CRYL1: variants seen among roughly 807,000 people sequenced by gnomAD.
CRYL1 encodes the protein lambda-crystallin homolog.
Under a neutral mutation model 36.6 loss-of-function variants are expected in CRYL1, and 29 were observed. The ratio of observed to expected loss-of-function variants is 0.79; its 90% CI spans 0.59 to 1.08. CRYL1 has a LOEUF of 1.08. Ranked by LOEUF, CRYL1 falls within the 50% of genes least tolerant of loss-of-function variation. The pLI is 0.00. For synonymous variants in CRYL1, 152 were observed against 151.5 expected, an observed-to-expected ratio of 1.00 and a Z score of -0.02; for missense variants, 411 against 407.9, an observed-to-expected ratio of 1.01 and a Z score of -0.06.
At chr13:20,503,408 T>A (rs2033738890) in intron 2 of CRYL1, among the ~76,000 whole-genome samples, 2 of 152,184 alleles carry the variant, frequency 1.3e-5, no homozygotes, top group Non-Finnish European at 2.9e-5. Flanking sequence ...ATGGCTTCCC[T>A]CATCTGTTTA....
intron 5 of CRYL1, chr13:20,431,037 G>A: frequency 1.0e-6 from 1 of 985,418 alleles, no homozygotes; most frequent in Non-Finnish European, 1.2e-6. Flanking sequence ...CGAGGCAACC[G>A]CGTGGCAAAT....
chr13:20,431,752 A>G (rs1429082407), intron 5 of CRYL1: 4 of 1,199,408 alleles, frequency 3.3e-6, no homozygotes, highest in Non-Finnish European at 1.0e-6. Flanking sequence ...TTGAAAAATT[A>G]TAACACTGAG....
intron 3 of CRYL1, among the ~76,000 whole-genome samples, chr13:20,485,826 A>C (rs1471075050): frequency 1.3e-5 from 2 of 152,198 alleles, no homozygotes; most frequent in Non-Finnish European, 2.9e-5. Context: ...CCTTCCTTGC[A>C]GGATTCTAAT....
At chr13:20,512,321 A>T (rs1269942883) in intron 2 of CRYL1, 122 bp downstream of exon 2, 5 of 689,400 alleles carry the variant, frequency 7.3e-6, no homozygotes, top group Non-Finnish European at 1.3e-5. Flanking sequence ...GAGGCACTGC[A>T]GTAGCCATCA....
chr13:20,517,938 G>GAAAAAAA (rs67225103), intron 1 of CRYL1, among the ~76,000 whole-genome samples: 12 of 115,914 alleles, frequency 1.0e-4, no homozygotes, highest in Non-Finnish European at 8.2e-5. Context: ...TCTGTCTCAA[G>GAAAAAAA]AAAAAAAAAA....
intron 3 of CRYL1, among the ~76,000 whole-genome samples, chr13:20,466,057 TCAC>T (rs1031929190): frequency 2.0e-5 from 3 of 151,780 alleles, no homozygotes; most frequent in African/African-American, 7.3e-5. Flanking sequence ...CCTAAAGCCC[TCAC>T]CAGAAGCCGG....
At chr13:20,437,063 G>A (rs2032236620) in intron 4 of CRYL1, among the ~76,000 whole-genome samples, 1 of 152,082 alleles carries the variant, frequency 6.6e-6, no homozygotes, top group South Asian at 2.1e-4. Flanking sequence ...TGGGGAGGCT[G>A]AGACAGGAGG....
chr13:20,518,289 G>A (rs558293571), intron 1 of CRYL1, among the ~76,000 whole-genome samples: 210 of 152,300 alleles, frequency 1.4e-3, no homozygotes, highest in Non-Finnish European at 1.3e-3. Context: ...CAGGGGAGTA[G>A]GGACTGAGAG....
intron 1 of CRYL1, among the ~76,000 whole-genome samples, chr13:20,516,542 G>GCAA (rs1565991298): frequency 6.6e-6 from 1 of 151,836 alleles, no homozygotes; most frequent in East Asian, 2.0e-4. Context: ...TGCTGTGGGG[G>GCAA]TATCTCGGCT....
intron 5 of CRYL1, 78 bp downstream of exon 5, chr13:20,432,024 G>C: frequency 1.2e-6 from 2 of 1,608,462 alleles, no homozygotes; most frequent in Non-Finnish European, 1.7e-6. Flanking sequence ...AACTTTCACT[G>C]TCCTGCTCAA....
intron 5 of CRYL1, among the ~76,000 whole-genome samples, chr13:20,424,490 A>G (rs971196934): frequency 2.0e-5 from 3 of 152,204 alleles, no homozygotes; most frequent in Non-Finnish European, 4.4e-5. Flanking sequence ...GACCACCCAG[A>G]CTTCAGAAGG....
intron 3 of CRYL1, among the ~76,000 whole-genome samples, chr13:20,468,295 TTTTAG>T (rs2032984176): frequency 6.6e-6 from 1 of 152,194 alleles, no homozygotes; most frequent in Non-Finnish European, 1.5e-5. Context: ...TTACTTTTTA[TTTTAG>T]TTTATTTTTA....
chr13:20,507,897 A>G lies in CRYL1; in HGVS notation c.149+4546T>C, dbSNP rs555158081. Among the ~76,000 whole-genome samples the G allele has an allele frequency of 1.6e-3, 234 of 149,246 alleles. 2 individuals are homozygous for G. The highest frequency in any genetic ancestry group is 3.9e-3 in the African/African-American group (156 of 40,450). On this transcript the variant is annotated intron_variant, in intron 2 of 7. Transcript: ENST00000298248. ...CGAGCCACTGCACTCCAGCCTGGGC[A>G]ACAGAGCAAGACTTTTCATCTCAAA...
intron 2 of CRYL1, among the ~76,000 whole-genome samples, chr13:20,490,792 C>T (rs1001708120): frequency 9.2e-5 from 14 of 152,138 alleles, no homozygotes; most frequent in African/African-American, 3.1e-4. Context: ...TGCGGTCACC[C>T]GGGCCACCAT....
chr13:20,455,233 T>C (rs1455910914), intron 3 of CRYL1, among the ~76,000 whole-genome samples: 1 of 152,332 alleles, frequency 6.6e-6, no homozygotes, highest in East Asian at 1.9e-4. Flanking sequence ...AAAAATGCCT[T>C]AAATATGCAG....
intron 3 of CRYL1, 119 bp downstream of exon 3, chr13:20,489,251 C>T: frequency 8.1e-7 from 1 of 1,233,834 alleles, no homozygotes; most frequent in Non-Finnish European, 1.1e-6. Flanking sequence ...AAAATCCTGC[C>T]CTTGAAGATG....
In CRYL1 at chr13:20,512,873, C is replaced by T. The variant is rs79184776; in HGVS notation, c.42-323G>A. Among the ~76,000 whole-genome samples the T allele has an allele frequency of 4.4e-3, 669 of 152,206 alleles. 12 individuals are homozygous for T. The highest frequency in any genetic ancestry group is 0.015 in the African/African-American group (607 of 41,528). ...TTAACAGAAAAAGTAAGTTCTAGAG[C>T]TTGATAGCACTGTAGGGTAACTAGA... is the stretch of plus-strand genomic sequence containing the variant. On this transcript the variant is annotated intron_variant, in intron 1 of 7. Transcript: ENST00000298248.
chr13:20,432,424 A>C, intron 4 of CRYL1, 128 bp from the exon 5 acceptor site: 2 of 582,820 alleles, frequency 3.4e-6, no homozygotes, highest in East Asian at 5.7e-5. Context: ...AGTGGCCAAC[A>C]ACAAGATACT....
intron 2 of CRYL1, among the ~76,000 whole-genome samples, chr13:20,498,346 CA>C (rs2033649773): frequency 9.1e-6 from 1 of 109,360 alleles, no homozygotes; most frequent in Non-Finnish European, 2.0e-5. Flanking sequence ...ATACCTCATA[CA>C]CACACTATAC....
Sources: allele counts gnomAD v4.1 joint callset (sites outside exome capture counted in the v4.1 genomes callset), GRCh38; gene constraint gnomAD v4.1.1; transcripts MANE v1.5; gene names NCBI Gene and HGNC (gene_info 2026-07-23, HGNC 2026-07-21).